KIAA0513: variants seen among roughly 807,000 people sequenced by gnomAD.
KIAA0513 encodes uncharacterized protein KIAA0513.
Under a neutral mutation model 56.5 loss-of-function variants are expected in KIAA0513, and 39 were observed. That is an observed-to-expected ratio of 0.69 (90% CI 0.53 to 0.90). KIAA0513 has a LOEUF of 0.90. Ranked by LOEUF, KIAA0513 falls within the 40% of genes least tolerant of loss-of-function variation. The pLI, the probability that KIAA0513 is intolerant of heterozygous loss-of-function variation, is 0.00. For missense variants in KIAA0513, 591 were observed against 535.2 expected (o/e 1.10, Z -1.03); for synonymous variants, 268 against 215.6 (o/e 1.24, Z -2.13).
chr16:85,028,354 G>A (rs898071210), intron 1 of KIAA0513, among the ~76,000 whole-genome samples: 1 of 152,164 alleles, frequency 6.6e-6, no homozygotes, highest in African/African-American at 2.4e-5. Flanking sequence ...GGGGTGTGAA[G>A]TTGCTGCCTC....
chr16:85,067,030 A>T lies in KIAA0513; in HGVS notation c.-42A>T, dbSNP rs200517441. The T allele has an allele frequency of 2.6e-4, 393 of 1,495,536 alleles. 4 individuals carry two copies. The East Asian group carries it at 8.3e-3, about 32-fold the overall frequency. The allele number at this position is 1,495,536 out of a possible 1,614,324, so 92.6% of individuals were successfully genotyped here. On this transcript the variant is annotated 5_prime_UTR_variant, in exon 2 of 13. Transcript: ENST00000683363. ...CAGGCTGCTGGGCTCCCCTCTAGGC[A>T]GCCTCCCCTCCAGGCAGCCTCACCA...
Position 85,081,265 on chromosome 16 carries a change from T to TCCTCCCCG in KIAA0513, c.903-42_903-35dup. The TCCTCCCCG allele has an allele frequency of 6.4e-7, 1 of 1,564,352 alleles. No individual in the cohort carries two copies. Among genetic ancestry groups the TCCTCCCCG allele is most frequent in the Non-Finnish European group, 8.8e-7 (1 of 1,135,568 alleles). On this transcript the variant is annotated intron_variant, in intron 8 of 12. Transcript: ENST00000683363. The surrounding 1 kb of genome is among the most constrained non-coding windows in gnomAD (Gnocchi z 4.4). ...TCCCTCAAGGGGCCCACAACCCGTG[T>TCCTCCCCG]CCTCCCCGCCTCCCCTTGGAGAGAG...
At chr16:85,073,449 AT>A (rs1423955002) in intron 4 of KIAA0513, among the ~76,000 whole-genome samples, 2 of 152,188 alleles carry the variant, frequency 1.3e-5, no homozygotes, top group Non-Finnish European at 2.9e-5. Flanking sequence ...GGGGCCTTTT[AT>A]CACAGGAAGC....
intron 2 of KIAA0513, among the ~76,000 whole-genome samples, chr16:85,071,392 A>C (rs1474990263): frequency 6.6e-6 from 1 of 152,234 alleles, no homozygotes; most frequent in African/African-American, 2.4e-5. Flanking sequence ...TGCTGACTTC[A>C]GCATCAAAAA....
chr16:85,064,636 A>G lies in KIAA0513; in HGVS notation c.-172-2264A>G, dbSNP rs1025163458. ...TTGTGGCTTTAATTTGCATATTTAT[A>G]TCGTGGTTATTAGTATGGGTTGAAG... On this transcript the variant is annotated intron_variant, in intron 1 of 12. Coordinates refer to ENST00000683363, the MANE Select transcript of KIAA0513 (RefSeq NM_001388359.1). 1.1e-4 allele frequency among the ~76,000 whole-genome samples: 16 copies of G among 152,204 alleles called. 1 individual carries two copies. Among genetic ancestry groups the G allele is most frequent in the Admixed American group, 1.0e-3 (16 of 15,276 alleles).
At chr16:85,071,633 C>T in intron 2 of KIAA0513, 150 bp from the exon 3 acceptor site, 1 of 635,086 alleles carries the variant, frequency 1.6e-6, no homozygotes. Context: ...ATGGGACCGC[C>T]CGGAGGCTGA....
At chr16:85,047,360 C>A (rs1011673734) in intron 1 of KIAA0513, among the ~76,000 whole-genome samples, 5 of 152,208 alleles carry the variant, frequency 3.3e-5, no homozygotes, top group African/African-American at 1.2e-4. Context: ...TCCCTCTCTG[C>A]AATCTCTCGA....
At chr16:85,071,966 A>G (rs2073583379) in intron 3 of KIAA0513, 84 bp downstream of exon 3, 1 of 903,646 alleles carries the variant, frequency 1.1e-6, no homozygotes, top group Non-Finnish European at 1.8e-6. Context: ...TTTATCCTAC[A>G]ATGACACTCT....
intron 1 of KIAA0513, among the ~76,000 whole-genome samples, chr16:85,052,474 A>G (rs2073267506): frequency 6.6e-6 from 1 of 152,202 alleles, no homozygotes; most frequent in Non-Finnish European, 1.5e-5. Flanking sequence ...GCATCGTGCC[A>G]TTGCACTCCA....
Position 85,059,272 on chromosome 16 carries a change from T to C in KIAA0513, c.-172-7628T>C, listed in dbSNP as rs76759812. Among the ~76,000 whole-genome samples, 4 of 152,344 alleles carry C rather than the reference T, an allele frequency of 2.6e-5. No homozygotes were observed. The East Asian group carries it at 5.8e-4, about 22-fold the overall frequency. On this transcript the variant is annotated intron_variant, in intron 1 of 12. Coordinates refer to ENST00000683363, the MANE Select transcript of KIAA0513 (RefSeq NM_001388359.1). ...CTTGCAGGTATCCAGTATTGCTGTG[T>C]TTCCCTCAAAAAATTGATCTATGCT...
intron 1 of KIAA0513, among the ~76,000 whole-genome samples, chr16:85,029,559 G>T (rs957011373): frequency 6.6e-6 from 1 of 152,234 alleles, no homozygotes; most frequent in East Asian, 1.9e-4. Flanking sequence ...TAGCCCCAGC[G>T]GCTCTGAGGA....
At chr16:85,029,929 G>A (rs1289223548) in intron 1 of KIAA0513, among the ~76,000 whole-genome samples, 2 of 152,324 alleles carry the variant, frequency 1.3e-5, no homozygotes, top group East Asian at 3.9e-4. Flanking sequence ...GACTTGCCCA[G>A]GGTCTCTTTG....
At chr16:85,053,584 T>A (rs773648725) in intron 1 of KIAA0513, among the ~76,000 whole-genome samples, 1 of 152,208 alleles carries the variant, frequency 6.6e-6, no homozygotes, top group Non-Finnish European at 1.5e-5. Flanking sequence ...TTATCAAACT[T>A]AACAACTCAT....
chr16:85,047,843 C>T (rs2073193096), intron 1 of KIAA0513, among the ~76,000 whole-genome samples: 1 of 152,184 alleles, frequency 6.6e-6, no homozygotes, highest in Non-Finnish European at 1.5e-5. Flanking sequence ...ATGGCAAACT[C>T]ACCGCAACCT....
rs148569767 is a variant in KIAA0513 at position 85,077,197 on chromosome 16, G to C, written c.575-228G>C. 2.4e-3 allele frequency among the ~76,000 whole-genome samples: 362 copies of C among 152,270 alleles called. 2 individuals carry two copies. The highest frequency in any genetic ancestry group is 8.3e-3 in the African/African-American group (346 of 41,562). ...CTACTTTGCTCCCTCCCTGCTCCTA[G>C]TGGCTTCTCAGTGCACAGCAGGTGC... On this transcript the variant is annotated intron_variant, in intron 5 of 12. Coordinates refer to ENST00000683363, the MANE Select transcript of KIAA0513 (RefSeq NM_001388359.1).
rs1435503414 is a variant in KIAA0513 at position 85,086,996 on chromosome 16, C to G, written c.1092-76C>G. 6.4e-6 allele frequency: 9 copies of G among 1,411,402 alleles called. No homozygotes were observed. In the East Asian group the frequency reaches 1.8e-4, roughly 29 times the overall value. 87.4% of individuals were successfully genotyped at this position (1,411,402 alleles called of 1,614,324 possible). The stretch of plus-strand genomic sequence containing the variant: ...TCCAGGCAGGCCATGGTGGGCGTCC[C>G]AGAGACAAGGGCCCAGCTCCCCGGC... On this transcript the variant is annotated intron_variant, in intron 11 of 12. Transcript: ENST00000683363.
chr16:85,045,099 C>T (rs2073153790), intron 1 of KIAA0513, among the ~76,000 whole-genome samples: 1 of 151,856 alleles, frequency 6.6e-6, no homozygotes, highest in South Asian at 2.1e-4. Flanking sequence ...GCCTGGGGGA[C>T]AGAGCGAGAC....
chr16:85,040,301 C>G (rs1597592588), intron 1 of KIAA0513, among the ~76,000 whole-genome samples: 2 of 152,176 alleles, frequency 1.3e-5, no homozygotes, highest in African/African-American at 4.8e-5. Flanking sequence ...CCCAAGCATC[C>G]TATAGTGCAA....
chr16:85,033,548 A>C (rs1293782590), intron 1 of KIAA0513, among the ~76,000 whole-genome samples: 2 of 152,134 alleles, frequency 1.3e-5, no homozygotes, highest in Non-Finnish European at 2.9e-5. Flanking sequence ...TCCCGTGTGT[A>C]ATTTGGAAGG....
Sources: allele counts gnomAD v4.1 joint callset (sites outside exome capture counted in the v4.1 genomes callset), GRCh38; gene constraint gnomAD v4.1.1; non-coding constraint Gnocchi (gnomAD v3.1); transcripts MANE v1.5; gene names NCBI Gene and HGNC (gene_info 2026-07-23, HGNC 2026-07-21).